The following BTN2A1 variants were observed in gnomAD, a reference collection of about 807,000 sequenced individuals.
The protein encoded by BTN2A1 is butyrophilin, subfamily 2, member A1.
A neutral mutation model predicts 34.5 loss-of-function variants in BTN2A1; 41 were observed. The ratio of observed to expected loss-of-function variants is 1.19; its 90% CI spans 0.93 to 1.54. The LOEUF (loss-of-function observed/expected upper bound fraction) is 1.54. Ranked by LOEUF, BTN2A1 falls within the 40% of genes most tolerant of loss-of-function variation. BTN2A1 has a pLI of 0.00. For synonymous variants in BTN2A1, 267 were observed against 258.6 expected, an observed-to-expected ratio of 1.03 and a Z score of -0.31; for missense variants, 642 against 662.0, an observed-to-expected ratio of 0.97 and a Z score of 0.33.
rs772705310 is a variant in BTN2A1 at position 26,459,524 on chromosome 6, G to A, written c.126G>A (p.Thr42=). ...GGCCCACTGATCCCATCTTGGCCACGGTTGGAGAAAACACTACGTTACGCT... is the reference window on the plus strand; with the variant it reads ...GGCCCACTGATCCCATCTTGGCCACAGTTGGAGAAAACACTACGTTACGCT... ...VVGPTDPILA[T]VGENTTLRCH... The change falls in exon 3 of 8, where the codon ACG becomes ACA. Residue 42 remains threonine (T), a synonymous_variant. Coordinates refer to ENST00000312541, the MANE Select transcript of BTN2A1 (RefSeq NM_007049.5). 23 of 1,613,840 alleles carry A rather than the reference G, an allele frequency of 1.4e-5. No homozygotes were observed. Among genetic ancestry groups the A allele is most frequent in the South Asian group, 9.9e-5 (9 of 91,078 alleles).
chr6:26,465,781 T>G (rs1174325193), intron 5 of BTN2A1, 172 bp from the exon 6 acceptor site: 6 of 980,106 alleles, frequency 6.1e-6, no homozygotes, highest in Non-Finnish European at 7.3e-6. Context: ...AATGTGCTGG[T>G]ACTACCCAGC....
rs970518801 is a variant in BTN2A1, at chr6:26,465,354, A to G, written c.882A>G (p.Leu294=). The change falls in exon 5 of 8, where the codon CTA becomes CTG. Residue 294 remains leucine, a synonymous_variant. Transcript: ENST00000312541. ...AACGGGAAACAAGAGAAATTGCTCT[A>G]AAGGAACTGGAGAAAGAACGTGTGC... ...EFERETREIA[L]KELEKERVQK... is the part of the protein sequence containing the mutation. 2 of 1,614,112 alleles carry G rather than the reference A, an allele frequency of 1.2e-6. No homozygotes were observed. The highest frequency in any genetic ancestry group is 1.7e-6 in the Non-Finnish European group (2 of 1,180,004).
chr6:26,463,498 A>G lies in BTN2A1; in HGVS notation c.685A>G (p.Lys229Glu). The change falls in exon 4 of 8, where the codon AAG becomes GAG. Residue 229 changes from lysine to glutamate, a missense_variant. Lys to Glu is a moderately conservative substitution (Grantham distance 56, BLOSUM62 1). Transcript: ENST00000312541. ...CSINNTLLGQ[K>E]KESVIFIPES... ...TATCAACAACACCCTGCTCGGCCAGAAGAAAGAAAGTGTCATTTTTATTCC... is the reference window on the plus strand; with the variant it reads ...TATCAACAACACCCTGCTCGGCCAGGAGAAAGAAAGTGTCATTTTTATTCC... 5.0e-6 allele frequency: 8 copies of G among 1,614,026 alleles called. No individual in the cohort carries two copies. The highest frequency in any genetic ancestry group is 6.8e-6 in the Non-Finnish European group (8 of 1,179,904).
chr6:26,462,756 G>A (rs1420904599), intron 3 of BTN2A1: 2 of 1,249,724 alleles, frequency 1.6e-6, no homozygotes, highest in East Asian at 1.1e-4. Flanking sequence ...TTAGGATTCT[G>A]CCCGCCTGGC....
intron 7 of BTN2A1, chr6:26,467,717 A>T (rs1365533607): frequency 6.3e-7 from 1 of 1,590,770 alleles, no homozygotes; most frequent in Non-Finnish European, 8.6e-7. Context: ...CGGATTTCTT[A>T]GAGCTCCAAT....
Position 26,458,717 on chromosome 6 carries a change from A to T in BTN2A1, c.81A>T (p.Ser27=), listed in dbSNP as rs770545022. The change falls in exon 2 of 8, where the codon TCA becomes TCT. Residue 27 remains serine (S), a splice_region_variant and synonymous_variant. Coordinates refer to ENST00000312541, the MANE Select transcript of BTN2A1 (RefSeq NM_007049.5). ...LLLLSLCALV[S]AQFIVVGPTD... is the part of the protein sequence containing the mutation. ...TCCTCAGCCTGTGTGCACTGGTCTC[A>T]GGTAGGGATGTGTGCCACTTGCTGC... The T allele has an allele frequency of 2.5e-6, 4 of 1,613,898 alleles. No homozygotes were observed. Among genetic ancestry groups the T allele is most frequent in the Non-Finnish European group, 3.4e-6 (4 of 1,179,944 alleles).
chr6:26,467,592 G>T, intron 7 of BTN2A1: 6 of 1,016,298 alleles, frequency 5.9e-6, no homozygotes, highest in Non-Finnish European at 8.4e-6. Flanking sequence ...GATTACAGGC[G>T]TGAGTCACCA....
At chr6:26,463,137 T>G in intron 3 of BTN2A1, 107 bp from the exon 4 acceptor site, 2 of 1,310,862 alleles carry the variant, frequency 1.5e-6, no homozygotes, top group Non-Finnish European at 2.1e-6. Context: ...GTTTCCTATC[T>G]CCCTCTTTTT....
In BTN2A1 at chr6:26,464,370, T is replaced by C. The variant is rs182705537; in HGVS notation, c.713-815T>C. Among the ~76,000 whole-genome samples the C allele has an allele frequency of 2.8e-3, 423 of 152,304 alleles. 2 individuals are homozygous for C. Among genetic ancestry groups the C allele is most frequent in the Non-Finnish European group, 4.5e-3 (306 of 68,016 alleles). ...TAAGAACTCTTCCCTCAAAAAGTGA[T>C]TAGTTAGCTAACCATATATTCTATC... On this transcript the variant is annotated intron_variant, in intron 4 of 7. Coordinates refer to ENST00000312541, the MANE Select transcript of BTN2A1 (RefSeq NM_007049.5).
chr6:26,468,658 G>A lies in BTN2A1; in HGVS notation c.*109G>A. The A allele has an allele frequency of 6.2e-7, 1 of 1,613,748 alleles. No homozygotes were observed. The highest frequency in any genetic ancestry group is 8.5e-7 in the Non-Finnish European group (1 of 1,180,008). ...GCCCTCCTCCCCTCTGGTCACACAA[G>A]AGAACATCTTCCAGCTGCCTCTTTC... On this transcript the variant is annotated 3_prime_UTR_variant, in exon 8 of 8. Coordinates refer to ENST00000312541, the MANE Select transcript of BTN2A1 (RefSeq NM_007049.5).
At position 26,459,442 on chromosome 6, in the gene BTN2A1, G is replaced by A. The variant is rs183140907; in HGVS notation, c.83-39G>A. Reference sequence around the variant, plus strand: ...CCTTTCTTGCCTTAGAGATGTGATGGCTGGTGTCTTTGTCTGACTCTACCC... The same window carrying A: ...CCTTTCTTGCCTTAGAGATGTGATGACTGGTGTCTTTGTCTGACTCTACCC... On this transcript the variant is annotated intron_variant, in intron 2 of 7. Transcript: ENST00000312541. 7 of 1,590,434 alleles carry A rather than the reference G, an allele frequency of 4.4e-6. No homozygotes were observed. In the African/African-American group the frequency reaches 6.7e-5, roughly 15 times the overall value.
chr6:26,469,009 T>C lies in BTN2A1; in HGVS notation c.*460T>C. ...GGGAACCAGATATGCAGATCAGAGA[T>C]AGAGGAAGTGGAACCAGAGAGCTGG... On this transcript the variant is annotated 3_prime_UTR_variant, in exon 8 of 8. Coordinates refer to ENST00000312541, the MANE Select transcript of BTN2A1 (RefSeq NM_007049.5). The C allele has an allele frequency of 8.4e-7, 1 of 1,183,776 alleles. No individual in the cohort carries two copies. Among genetic ancestry groups the C allele is most frequent in the Admixed American group, 3.7e-5 (1 of 26,996 alleles). The allele number at this position is 1,183,776 out of a possible 1,614,324, so 73.3% of individuals were successfully genotyped here.
intron 2 of BTN2A1, among the ~76,000 whole-genome samples, chr6:26,458,930 A>T (rs1215961709): frequency 2.6e-5 from 4 of 152,246 alleles, no homozygotes; most frequent in African/African-American, 9.6e-5. Flanking sequence ...AAAAAAAATT[A>T]AATTTTACTT....
At chr6:26,459,348 C>A (rs907795094) in intron 2 of BTN2A1, 133 bp from the exon 3 acceptor site, 1 of 997,462 alleles carries the variant, frequency 1.0e-6, no homozygotes, top group Non-Finnish European at 1.5e-6. Flanking sequence ...CTACTGGTCC[C>A]CAGATTTCTC....
In BTN2A1 at chr6:26,465,936, CT is replaced by C; in HGVS notation, c.935-14del. ...GTTCTTCTGTCAAAGACATGATTTT[CT>C]TTGTTTGTTTTTCAGAGAAACTTCA... On this transcript the variant is annotated splice_polypyrimidine_tract_variant and intron_variant, in intron 5 of 7. Transcript: ENST00000312541. 6.2e-7 allele frequency: 1 copy of C among 1,614,138 alleles called. No homozygotes were observed. The highest frequency in any genetic ancestry group is 1.1e-5 in the South Asian group (1 of 91,072).
downstream of BTN2A1, among the ~76,000 whole-genome samples, chr6:26,474,467 A>G (rs1763504826): frequency 6.6e-6 from 1 of 152,242 alleles, no homozygotes; most frequent in Non-Finnish European, 1.5e-5. Context: ...TATTAACAAC[A>G]GAAAACTATT....
chr6:26,465,283 A>C lies in BTN2A1; in HGVS notation c.811A>C (p.Lys271Gln). Residue 271 changes from lysine to glutamine, a missense_variant, in exon 5 of 8, where the codon AAA (lysine) becomes CAA (glutamine). Physicochemically the swap from Lys to Gln is moderately conservative, Grantham distance 53 (BLOSUM62 1). Coordinates refer to ENST00000312541, the MANE Select transcript of BTN2A1 (RefSeq NM_007049.5). ...PIAVCIYWIN[K>Q]LQKEKKILSG... ...TGCCGTATGCATCTATTGGATCAAC[A>C]AACTCCAAAAGGAAAAAAAGATTCT... 1.2e-6 allele frequency: 2 copies of C among 1,614,192 alleles called. No individual in the cohort carries two copies. The highest frequency in any genetic ancestry group is 1.7e-6 in the Non-Finnish European group (2 of 1,180,002).
chr6:26,464,777 G>T (rs1360278151), intron 4 of BTN2A1, among the ~76,000 whole-genome samples: 1 of 152,202 alleles, frequency 6.6e-6, no homozygotes, highest in Non-Finnish European at 1.5e-5. Flanking sequence ...CGTGGAAAGC[G>T]TTGGAAGGTT....
At chr6:26,472,172 G>T (rs1215571054), downstream of BTN2A1, among the ~76,000 whole-genome samples, 2 of 152,050 alleles carry the variant, frequency 1.3e-5, no homozygotes, top group African/African-American at 2.4e-5. Context: ...CAAAAGGGCT[G>T]CCCAGCTCCA....
Sources: allele counts gnomAD v4.1 joint callset (sites outside exome capture counted in the v4.1 genomes callset), GRCh38; gene constraint gnomAD v4.1.1; transcripts MANE v1.5; gene names NCBI Gene and HGNC (gene_info 2026-07-23, HGNC 2026-07-21).